PCED1B: variants seen among roughly 807,000 people sequenced by gnomAD.
PCED1B encodes the protein PC-esterase domain containing 1B, also known as PC-esterase domain-containing protein 1B.
For synonymous variants in PCED1B, 251 were observed against 246.1 expected (o/e 1.02, Z -0.19); for missense variants, 573 against 573.9 (o/e 1.00, Z 0.02).
At chr12:47,169,938 T>C (rs941758802) in intron 2 of PCED1B, among the ~76,000 whole-genome samples, 12 of 146,588 alleles carry the variant, frequency 8.2e-5, no homozygotes, top group Non-Finnish European at 1.2e-4. Flanking sequence ...TGGGTGTTTC[T>C]CGGAGAGGGG....
At chr12:47,111,950 C>T (rs765406237) in intron 2 of PCED1B, among the ~76,000 whole-genome samples, 7 of 152,122 alleles carry the variant, frequency 4.6e-5, no homozygotes, top group South Asian at 2.1e-4. Context: ...TCAAAGGCAC[C>T]GGCACTGCCC....
chr12:47,098,450 C>T (rs1938569926), intron 1 of PCED1B, among the ~76,000 whole-genome samples: 1 of 152,130 alleles, frequency 6.6e-6, no homozygotes, highest in African/African-American at 2.4e-5. Context: ...GTATGCAACA[C>T]TCACAGGGAA....
chr12:47,201,058 C>CG (rs1273834740), intron 2 of PCED1B, among the ~76,000 whole-genome samples: 2 of 152,064 alleles, frequency 1.3e-5, no homozygotes, highest in Non-Finnish European at 2.9e-5. Flanking sequence ...ATTTAGCCGG[C>CG]GGCCAAGAGA....
intron 2 of PCED1B, among the ~76,000 whole-genome samples, chr12:47,188,989 A>C (rs543915586): frequency 6.6e-6 from 1 of 152,004 alleles, no homozygotes; most frequent in Admixed American, 6.5e-5. Context: ...CTTTCTCTCC[A>C]TGTTTACTCA....
At chr12:47,109,661 C>T (rs1273355266) in intron 2 of PCED1B, among the ~76,000 whole-genome samples, 1 of 152,124 alleles carries the variant, frequency 6.6e-6, no homozygotes, top group Non-Finnish European at 1.5e-5. Context: ...TATCTCTATT[C>T]AGTCATGCAT....
intron 2 of PCED1B, among the ~76,000 whole-genome samples, chr12:47,170,433 G>C (rs1463898844): frequency 6.7e-6 from 1 of 149,990 alleles, no homozygotes; most frequent in Non-Finnish European, 1.5e-5. Flanking sequence ...GTGGCGGCTG[G>C]GCAGAGGGGC....
chr12:47,152,156 A>G (rs1211876402), intron 2 of PCED1B, among the ~76,000 whole-genome samples: 1 of 152,220 alleles, frequency 6.6e-6, no homozygotes, highest in African/African-American at 2.4e-5. Flanking sequence ...AAATTAGTAA[A>G]CAAAAATGTG....
intron 3 of PCED1B, among the ~76,000 whole-genome samples, chr12:47,229,503 C>T (rs987699729): frequency 2.0e-5 from 3 of 151,794 alleles, no homozygotes; most frequent in Non-Finnish European, 4.4e-5. Context: ...TTTGCATGTA[C>T]GTGGGGATGC....
At chr12:47,131,121 T>C (rs1399849535) in intron 2 of PCED1B, among the ~76,000 whole-genome samples, 1 of 152,224 alleles carries the variant, frequency 6.6e-6, no homozygotes, top group East Asian at 1.9e-4. Flanking sequence ...AAACATATCC[T>C]TATTCTATCA....
Position 47,148,482 on chromosome 12 carries a change from G to C in PCED1B, c.-526+44287G>C, listed in dbSNP as rs578029126. 1.6e-3 allele frequency among the ~76,000 whole-genome samples: 244 copies of C among 152,240 alleles called. 3 individuals are homozygous for C. Among genetic ancestry groups the C allele is most frequent in the African/African-American group, 5.7e-3 (235 of 41,554 alleles). On this transcript the variant is annotated intron_variant, in intron 2 of 3. Coordinates refer to ENST00000546455, the MANE Select transcript of PCED1B (RefSeq NM_138371.3). The stretch of plus-strand genomic sequence containing the variant: ...CTAGCTATAGGGCAGGAAACCAAAG[G>C]TATCTGCTATAGCAAATTTACAGGC...
At chr12:47,152,589 TTAA>T (rs1310699983) in intron 2 of PCED1B, among the ~76,000 whole-genome samples, 32 of 152,220 alleles carry the variant, frequency 2.1e-4, no homozygotes, top group African/African-American at 7.5e-4. Flanking sequence ...AGAAATTTGA[TTAA>T]GTTCCACAGA....
intron 1 of PCED1B, among the ~76,000 whole-genome samples, chr12:47,091,006 G>A (rs948307741): frequency 1.3e-5 from 2 of 151,820 alleles, no homozygotes; most frequent in African/African-American, 4.8e-5. Flanking sequence ...AATTCCCCCC[G>A]ATTCTAATTC....
In PCED1B at chr12:47,080,959, A is replaced by T. The variant is rs370227220; in HGVS notation, c.-609+1234A>T. Among the ~76,000 whole-genome samples the T allele has an allele frequency of 7.2e-4, 110 of 152,242 alleles. 1 individual carries two copies. In the Middle Eastern group the frequency reaches 0.014, roughly 19 times the overall value. On this transcript the variant is annotated intron_variant, in intron 1 of 3. Transcript: ENST00000546455. The stretch of plus-strand genomic sequence containing the variant: ...CGCGGAGGCTCTTCATCCCTTCCGG[A>T]GATGCCGCGGCCGACCAGCGCGCTT...
intron 3 of PCED1B, among the ~76,000 whole-genome samples, chr12:47,234,419 G>A (rs1025699534): frequency 6.6e-6 from 1 of 152,210 alleles, no homozygotes; most frequent in Non-Finnish European, 1.5e-5. Context: ...AAAGGGGAGA[G>A]AAGTCAACCA....
intron 3 of PCED1B, among the ~76,000 whole-genome samples, chr12:47,233,901 A>T (rs1943888097): frequency 6.6e-6 from 1 of 152,148 alleles, no homozygotes; most frequent in Non-Finnish European, 1.5e-5. Context: ...TTCCAGTTTT[A>T]TCTTGATTTT....
chr12:47,158,787 C>T (rs932639019), intron 2 of PCED1B, among the ~76,000 whole-genome samples: 2 of 152,120 alleles, frequency 1.3e-5, no homozygotes, highest in African/African-American at 4.8e-5. Context: ...CATTTCAAGT[C>T]TTCTAGCTAT....
intron 2 of PCED1B, among the ~76,000 whole-genome samples, chr12:47,179,055 T>C (rs1405564104): frequency 1.3e-5 from 2 of 152,224 alleles, no homozygotes; most frequent in Non-Finnish European, 2.9e-5. Context: ...GTCTAGATTA[T>C]ACAAATTGCG....
intron 2 of PCED1B, among the ~76,000 whole-genome samples, chr12:47,177,242 C>G (rs1386078018): frequency 2.6e-5 from 4 of 152,176 alleles, no homozygotes; most frequent in African/African-American, 9.7e-5. Context: ...TAACTAATCC[C>G]AAGCACTGGA....
intron 1 of PCED1B, 160 bp downstream of exon 1, chr12:47,079,885 G>A (rs1165254149): frequency 6.6e-6 from 1 of 150,770 alleles, no homozygotes; most frequent in African/African-American, 2.4e-5. Context: ...GCGCGCCCGG[G>A]GCCGGGAGAC....
Sources: allele counts gnomAD v4.1 joint callset (sites outside exome capture counted in the v4.1 genomes callset), GRCh38; gene constraint gnomAD v4.1.1; transcripts MANE v1.5; gene names NCBI Gene and HGNC (gene_info 2026-07-23, HGNC 2026-07-21).